The following RNMT variants were observed in gnomAD, a reference collection of about 807,000 sequenced individuals.
RNMT encodes mRNA cap guanine-N(7) methyltransferase.
Under a neutral mutation model 56.0 loss-of-function variants are expected in RNMT, and 27 were observed. That is an observed-to-expected ratio of 0.48 (90% confidence interval 0.36 to 0.67). The LOEUF (loss-of-function observed/expected upper bound fraction) is 0.67. RNMT is among the 30% of genes least tolerant of loss of function. The pLI, the probability that RNMT is intolerant of heterozygous loss-of-function variation, is 0.00. For missense variants in RNMT, 519 were observed against 552.1 expected, an observed-to-expected ratio of 0.94 and a Z score of 0.60; for synonymous variants, 184 against 176.2, an observed-to-expected ratio of 1.04 and a Z score of -0.35.
chr18:13,743,562 G>C (rs929803826), intron 8 of RNMT, among the ~76,000 whole-genome samples: 1 of 151,982 alleles, frequency 6.6e-6, no homozygotes, highest in Admixed American at 6.5e-5. Context: ...GGGTAACTGG[G>C]CCTTACCAGG....
At position 13,752,326 on chromosome 18, in the gene RNMT, C is replaced by T. The variant is rs544424412; in HGVS notation, c.1258C>T (p.Pro420Ser). 1.9e-6 allele frequency: 3 copies of T among 1,598,502 alleles called. No individual in the cohort carries two copies. The highest frequency in any genetic ancestry group is 2.2e-5 in the East Asian group (1 of 44,722). The change falls in exon 10 of 12, where the codon CCA becomes TCA. Residue 420 changes from proline (P) to serine (S), a missense_variant and splice_region_variant. Physicochemically the swap from Pro to Ser is moderately conservative, Grantham distance 74. Transcript: ENST00000383314. The stretch of plus-strand genomic sequence containing the variant: ...CTAGGACTTTCATTTCTTTCCCCAG[C>T]CATATCCTGCAAATGAGAGTTCTAA... ...MLLKRMQALEPYPANESSKLV... is the reference protein window; with the variant it reads ...MLLKRMQALESYPANESSKLV...
Position 13,754,097 on chromosome 18 carries a change from C to T in RNMT, c.1360-17C>T. 2.7e-6 allele frequency: 4 copies of T among 1,484,800 alleles called. No individual in the cohort carries two copies. Among genetic ancestry groups the T allele is most frequent in the Non-Finnish European group, 2.8e-6 (3 of 1,068,156 alleles). 92.0% of individuals were successfully genotyped at this position (1,484,800 alleles called of 1,614,324 possible). On this transcript the variant is annotated splice_polypyrimidine_tract_variant and intron_variant, in intron 10 of 11. Coordinates refer to ENST00000383314, the MANE Select transcript of RNMT (RefSeq NM_003799.3). ...ATATTGAATCTAAAATTTTCTTTTT[C>T]TCTTTTGTAATTTTAGGGAACCTTA...
At position 13,759,961 on chromosome 18, in the gene RNMT, C is replaced by CT; in HGVS notation, c.1416dup (p.Glu473Ter). 1.2e-6 allele frequency: 2 copies of CT among 1,612,780 alleles called. No individual in the cohort carries two copies. Among genetic ancestry groups the CT allele is most frequent in the Non-Finnish European group, 1.7e-6 (2 of 1,179,218 alleles). On this transcript the variant is annotated frameshift_variant, in exon 12 of 12. Coordinates refer to ENST00000383314, the MANE Select transcript of RNMT (RefSeq NM_003799.3). LOFTEE classifies it high-confidence loss of function. ...CTTTAGGTATTTACTTGGTGTTTGC[C>CT]TTTGAGAAACAGCAGTGAGCACATA... is the stretch of plus-strand genomic sequence containing the variant.
Position 13,732,036 on chromosome 18 carries a change from G to C in RNMT, c.417+102G>C, listed in dbSNP as rs2044079318. 4.2e-6 allele frequency: 4 copies of C among 953,436 alleles called. No homozygotes were observed. In the South Asian group the frequency reaches 8.0e-5, roughly 19 times the overall value. The allele number at this position is 953,436 out of a possible 1,614,324, so 59.1% of individuals were successfully genotyped here. ...GGTTTTTACATAATAGCTTAAGAAT[G>C]TTCTATTTTTAATAGATATGGTCCT... On this transcript the variant is annotated intron_variant, in intron 3 of 11. Coordinates refer to ENST00000383314, the MANE Select transcript of RNMT (RefSeq NM_003799.3).
chr18:13,735,032 C>T (rs948249338), intron 4 of RNMT, among the ~76,000 whole-genome samples: 4 of 151,990 alleles, frequency 2.6e-5, no homozygotes, highest in Non-Finnish European at 1.5e-5. Context: ...GGAAACTCAC[C>T]TTTGAAATTA....
At chr18:13,737,181 A>G in intron 5 of RNMT, 46 bp downstream of exon 5, 15 of 1,490,182 alleles carry the variant, frequency 1.0e-5, no homozygotes, top group Non-Finnish European at 1.4e-5. Flanking sequence ...TAGTCAGATA[A>G]ATGGAAAATA....
chr18:13,731,402 C>G (rs2149081757), intron 2 of RNMT, 74 bp from the exon 3 acceptor site: 1 of 674,062 alleles, frequency 1.5e-6, no homozygotes. Context: ...GAGTGAAACT[C>G]CGTCTCAAAA....
chr18:13,746,735 A>C (rs190248101), intron 9 of RNMT, among the ~76,000 whole-genome samples: 5 of 152,320 alleles, frequency 3.3e-5, no homozygotes, highest in African/African-American at 9.6e-5. Flanking sequence ...CTCTCTCCAG[A>C]CATTGCCAAA....
intron 1 of RNMT, among the ~76,000 whole-genome samples, chr18:13,729,231 T>G (rs2044027787): frequency 6.6e-6 from 1 of 152,254 alleles, no homozygotes; most frequent in Non-Finnish European, 1.5e-5. Flanking sequence ...GGCACCTTTG[T>G]TGAGAACAAG....
chr18:13,745,860 AGAAG>A (rs1162590245), intron 8 of RNMT, among the ~76,000 whole-genome samples: 1 of 152,244 alleles, frequency 6.6e-6, no homozygotes, highest in Non-Finnish European at 1.5e-5. Flanking sequence ...TGAATCTTTA[AGAAG>A]GAAGTTGGCA....
chr18:13,752,396 A>C lies in RNMT; in HGVS notation c.1328A>C (p.Tyr443Ser). The change falls in exon 10 of 12, where the codon TAC (tyrosine) becomes TCC (serine). Residue 443 changes from tyrosine to serine, a missense_variant. By Grantham distance (144) the Tyr-to-Ser change is moderately radical. Coordinates refer to ENST00000383314, the MANE Select transcript of RNMT (RefSeq NM_003799.3). ...KVDDYEHAAK[Y>S]MKNSQVRLPL... Reference sequence around the variant, plus strand: ...GATGACTATGAACATGCAGCAAAGTACATGAAGAACAGTCAAGTAAGGTTA... The same window carrying C: ...GATGACTATGAACATGCAGCAAAGTCCATGAAGAACAGTCAAGTAAGGTTA... 1 of 1,611,798 alleles carries C rather than the reference A, an allele frequency of 6.2e-7. No individual in the cohort carries two copies. Among genetic ancestry groups the C allele is most frequent in the Non-Finnish European group, 8.5e-7 (1 of 1,177,998 alleles).
rs2044465093 is a variant in RNMT, at chr18:13,752,403, G to A, written c.1335G>A (p.Lys445=). The A allele has an allele frequency of 6.2e-7, 1 of 1,609,570 alleles. No homozygotes were observed. The highest frequency in any genetic ancestry group is 1.1e-5 in the South Asian group (1 of 90,982). ...ATGAACATGCAGCAAAGTACATGAA[G>A]AACAGTCAAGTAAGGTTACCTTTGG... ...DDYEHAAKYM[K]NSQVRLPLGT... The change falls in exon 10 of 12, where the codon AAG becomes AAA. Residue 445 remains lysine, a synonymous_variant. Transcript: ENST00000383314.
intron 5 of RNMT, 112 bp from the exon 6 acceptor site, chr18:13,740,055 C>G (rs2149090766): frequency 3.0e-6 from 2 of 676,310 alleles, no homozygotes; most frequent in Admixed American, 3.0e-5. Flanking sequence ...GAAATAAAAC[C>G]TTTTCACTGG....
Position 13,740,224 on chromosome 18 carries a change from G to T in RNMT, c.737G>T (p.Arg246Leu). The change falls in exon 6 of 12, where the codon CGT becomes CTT. Residue 246 changes from arginine (R) to leucine (L), a missense_variant. Transcript: ENST00000383314. Reference sequence around the variant, plus strand: ...CAGCGGTATGAGGACATGAAAAATCGTCGTGATAGTGAATATATTTTCAGT... The same window carrying T: ...CAGCGGTATGAGGACATGAAAAATCTTCGTGATAGTGAATATATTTTCAGT... Reference protein sequence around the residue: ...CQQRYEDMKNRRDSEYIFSAE... With the variant: ...CQQRYEDMKNLRDSEYIFSAE... The T allele has an allele frequency of 6.2e-7, 1 of 1,612,772 alleles. No homozygotes were observed. The highest frequency in any genetic ancestry group is 8.5e-7 in the Non-Finnish European group (1 of 1,178,856).
At chr18:13,736,103 G>T (rs562497743) in intron 4 of RNMT, among the ~76,000 whole-genome samples, 1 of 151,990 alleles carries the variant, frequency 6.6e-6, no homozygotes, top group African/African-American at 2.4e-5. Flanking sequence ...ATTGTTTTTC[G>T]CTCTTTCAGT....
Position 13,762,143 on chromosome 18 carries a change from A to G in RNMT, c.*2164A>G, listed in dbSNP as rs1265750297. On this transcript the variant is annotated 3_prime_UTR_variant, in exon 12 of 12. Transcript: ENST00000383314. ...GAAGTGGGGCACTCCCAGACCTGCC[A>G]TGCAGTTTATCCTCTGAGAATGGAA... 3 of 1,534,854 alleles carry G rather than the reference A, an allele frequency of 2.0e-6. No homozygotes were observed. The highest frequency in any genetic ancestry group is 2.0e-5 in the Admixed American group (1 of 50,866).
At chr18:13,734,855 GT>G (rs2044132765) in intron 4 of RNMT, among the ~76,000 whole-genome samples, 1 of 152,128 alleles carries the variant, frequency 6.6e-6, no homozygotes, top group African/African-American at 2.4e-5. Flanking sequence ...TACTCTAATA[GT>G]TTTGGAGCAA....
chr18:13,743,337 T>A (rs201590768), intron 8 of RNMT, among the ~76,000 whole-genome samples: 2,875 of 10,356 alleles, frequency 0.28, 232 homozygotes, highest in African/African-American at 0.43. Flanking sequence ...AAAAAATAAA[T>A]AAATAAATAA....
rs1037958264 is a variant in RNMT, at chr18:13,737,276, C to T, written c.679+141C>T. The stretch of plus-strand genomic sequence containing the variant: ...AATTAATTACGGCCTGACGCGGTGG[C>T]TCATGCCTGTAATCCAACATTTTGG... On this transcript the variant is annotated intron_variant, in intron 5 of 11. Transcript: ENST00000383314. 7 of 736,984 alleles carry T rather than the reference C, an allele frequency of 9.5e-6. No homozygotes were observed. The African/African-American group carries it at 1.3e-4, about 13-fold the overall frequency. 45.7% of individuals were successfully genotyped at this position (736,984 alleles called of 1,614,324 possible). A position where few individuals can be genotyped will look rare whatever the true frequency, so the allele number is the denominator to read the frequency against.
Sources: allele counts gnomAD v4.1 joint callset (sites outside exome capture counted in the v4.1 genomes callset), GRCh38; gene constraint gnomAD v4.1.1; transcripts MANE v1.5; gene names NCBI Gene and HGNC (gene_info 2026-07-23, HGNC 2026-07-21).